Variants in PCED1B observed in about 807,000 individuals in gnomAD.
PCED1B encodes PC-esterase domain containing 1B, also known as PC-esterase domain-containing protein 1B.
For synonymous variants in PCED1B, 251 were observed against 246.1 expected, an observed-to-expected ratio of 1.02 and a Z score of -0.19; for missense variants, 573 against 573.9, an observed-to-expected ratio of 1.00 and a Z score of 0.02.
chr12:47,115,518 C>A (rs1018755598), intron 2 of PCED1B, among the ~76,000 whole-genome samples: 1 of 152,080 alleles, frequency 6.6e-6, no homozygotes, highest in African/African-American at 2.4e-5. Context: ...ACTTTGATAC[C>A]TCCTCCCCTC....
chr12:47,217,454 AAGAAAAAG>A lies in PCED1B; in HGVS notation c.-58+767_-58+774del, dbSNP rs775602563. Among the ~76,000 whole-genome samples, 25 of 91,146 alleles carry A rather than the reference AAGAAAAAG, an allele frequency of 2.7e-4. 2 individuals are homozygous for A. Among genetic ancestry groups the A allele is most frequent in the South Asian group, 3.8e-4 (1 of 2,598 alleles). 59.8% of individuals were successfully genotyped at this position (91,146 alleles called of 152,430 possible). A position where few individuals can be genotyped will look rare whatever the true frequency, so the allele number is the denominator to read the frequency against. On this transcript the variant is annotated intron_variant, in intron 3 of 3. Coordinates refer to ENST00000546455, the MANE Select transcript of PCED1B (RefSeq NM_138371.3). ...AGAAAAAAAAAGAAAGAAAGAAAGA[AAGAAAAAG>A]AAAGAAAGAGAAAGAAAGAAAGAAA...
At chr12:47,204,160 G>A (rs1434036423) in intron 2 of PCED1B, among the ~76,000 whole-genome samples, 1 of 152,184 alleles carries the variant, frequency 6.6e-6, no homozygotes, top group Non-Finnish European at 1.5e-5. Flanking sequence ...TGTTGGTCAA[G>A]CTGGTCTCGA....
rs146872990 is a variant in PCED1B, at chr12:47,235,216, G to A, written c.153G>A (p.Arg51=). Residue 51 remains arginine, a synonymous_variant, in exon 4 of 4, where the codon AGG becomes AGA. Transcript: ENST00000546455. ...RLLTPGQLRA[R]GELNFEQDEL... is the part of the protein sequence containing the mutation. ...TCACTCCCGGGCAGCTTAGAGCAAG[G>A]GGGGAGCTGAACTTCGAACAAGATG... 1.6e-5 allele frequency: 25 copies of A among 1,609,196 alleles called. No homozygotes were observed. The South Asian group carries it at 1.7e-4, about 11-fold the overall frequency.
At chr12:47,162,809 C>T (rs964497407) in intron 2 of PCED1B, among the ~76,000 whole-genome samples, 4 of 152,208 alleles carry the variant, frequency 2.6e-5, no homozygotes, top group Non-Finnish European at 5.9e-5. Flanking sequence ...GCCCTACCTC[C>T]AATATTGGGG....
chr12:47,093,124 T>C (rs1938335505), intron 1 of PCED1B, among the ~76,000 whole-genome samples: 1 of 151,988 alleles, frequency 6.6e-6, no homozygotes, highest in Admixed American at 6.5e-5. Context: ...AGCCCAGGCT[T>C]TTCTTTTTTA....
intron 1 of PCED1B, among the ~76,000 whole-genome samples, chr12:47,081,310 C>G (rs552976598): frequency 6.6e-6 from 1 of 152,136 alleles, no homozygotes. Context: ...CTCCCCTCCC[C>G]CGCGCACCTT....
intron 3 of PCED1B, among the ~76,000 whole-genome samples, chr12:47,231,853 T>TG (rs759748984): frequency 1.3e-5 from 2 of 152,256 alleles, no homozygotes; most frequent in South Asian, 4.1e-4. Context: ...CACATCGAGC[T>TG]GGGGCAGCAT....
intron 2 of PCED1B, among the ~76,000 whole-genome samples, chr12:47,159,585 C>T (rs1941305146): frequency 6.7e-6 from 1 of 149,964 alleles, no homozygotes; most frequent in Non-Finnish European, 1.5e-5. Context: ...ATAGGATTTT[C>T]TTTTTTTTTA....
chr12:47,109,404 T>C (rs1293764470), intron 2 of PCED1B, among the ~76,000 whole-genome samples: 1 of 152,084 alleles, frequency 6.6e-6, no homozygotes, highest in Non-Finnish European at 1.5e-5. Flanking sequence ...TCTTTAAAAG[T>C]CTTCACAGGC....
chr12:47,134,320 C>G (rs1940255327), intron 2 of PCED1B, among the ~76,000 whole-genome samples: 2 of 152,164 alleles, frequency 1.3e-5, no homozygotes, highest in Non-Finnish European at 2.9e-5. Flanking sequence ...CAACATGAAA[C>G]TTTTTCCTTT....
chr12:47,157,894 A>G (rs2137486749), intron 2 of PCED1B, among the ~76,000 whole-genome samples: 1 of 152,278 alleles, frequency 6.6e-6, no homozygotes, highest in East Asian at 1.9e-4. Context: ...TGGAATCAGT[A>G]TTTGTCTTTT....
intron 1 of PCED1B, among the ~76,000 whole-genome samples, chr12:47,081,746 A>G (rs968808099): frequency 2.0e-5 from 3 of 152,216 alleles, no homozygotes; most frequent in African/African-American, 7.2e-5. Flanking sequence ...CTAATAAATG[A>G]CCAGGTTTTT....
rs898763622 is a variant in PCED1B at position 47,149,940 on chromosome 12, CT to C, written c.-526+45752del. On this transcript the variant is annotated intron_variant, in intron 2 of 3. Transcript: ENST00000546455. Reference sequence around the variant, plus strand: ...ACAGCTAAAACATCTTAAGATATTTCTTTTTTTAACCCATCCCCTCAAGCAT... The same window carrying C: ...ACAGCTAAAACATCTTAAGATATTTCTTTTTTAACCCATCCCCTCAAGCAT... Among the ~76,000 whole-genome samples, 72 of 152,168 alleles carry C rather than the reference CT, an allele frequency of 4.7e-4. 1 individual carries two copies. Among genetic ancestry groups the C allele is most frequent in the Non-Finnish European group, 4.6e-4 (31 of 67,994 alleles).
chr12:47,235,864 G>T lies in PCED1B; in HGVS notation c.801G>T (p.Lys267Asn). The T allele has an allele frequency of 1.3e-6, 2 of 1,580,256 alleles. No homozygotes were observed. The highest frequency in any genetic ancestry group is 2.3e-5 in the East Asian group (1 of 42,778). The part of the protein sequence containing the change: ...PHRHPVGEWI[K>N]KKKPGPRVEG... Reference sequence around the variant, plus strand: ...GCCACCCCGTGGGCGAGTGGATCAAGAAGAAAAAACCTGGCCCGAGAGTCG... The same window carrying T: ...GCCACCCCGTGGGCGAGTGGATCAATAAGAAAAAACCTGGCCCGAGAGTCG... The change falls in exon 4 of 4, where the codon AAG becomes AAT. Residue 267 changes from lysine to asparagine, a missense_variant. By Grantham distance (94) the Lys-to-Asn change is moderately conservative. Transcript: ENST00000546455.
At chr12:47,091,115 C>A (rs1280961307) in intron 1 of PCED1B, among the ~76,000 whole-genome samples, 3 of 152,070 alleles carry the variant, frequency 2.0e-5, no homozygotes, top group Non-Finnish European at 4.4e-5. Context: ...GTAGTAACTC[C>A]CACTTCTCCA....
chr12:47,158,439 C>T (rs1941265488), intron 2 of PCED1B, among the ~76,000 whole-genome samples: 1 of 152,130 alleles, frequency 6.6e-6, no homozygotes, highest in Non-Finnish European at 1.5e-5. Context: ...TCCTTACTGG[C>T]CATTTGCATA....
intron 2 of PCED1B, among the ~76,000 whole-genome samples, chr12:47,111,324 A>T (rs1939184961): frequency 6.6e-6 from 1 of 152,212 alleles, no homozygotes; most frequent in African/African-American, 2.4e-5. Flanking sequence ...TTATTTTAGG[A>T]TGGGAGAAAG....
chr12:47,141,504 C>A (rs537205303), intron 2 of PCED1B, among the ~76,000 whole-genome samples: 1 of 152,206 alleles, frequency 6.6e-6, no homozygotes, highest in Non-Finnish European at 1.5e-5. Context: ...CCCACCTGTG[C>A]TTCAGGCAAC....
intron 2 of PCED1B, among the ~76,000 whole-genome samples, chr12:47,147,622 G>C (rs746732789): frequency 1.3e-5 from 2 of 151,724 alleles, no homozygotes; most frequent in African/African-American, 2.4e-5. Context: ...TATTCTATCT[G>C]TCTACCATCC....
Sources: allele counts gnomAD v4.1 joint callset (sites outside exome capture counted in the v4.1 genomes callset), GRCh38; gene constraint gnomAD v4.1.1; transcripts MANE v1.5; gene names NCBI Gene and HGNC (gene_info 2026-07-23, HGNC 2026-07-21).